Variants in GDAP1 observed in about 807,000 individuals in gnomAD.
GDAP1 encodes the protein ganglioside-induced differentiation-associated protein 1.
GDAP1 carries 34 observed loss-of-function variants against 40.1 expected under a neutral mutation model. That is an observed-to-expected ratio of 0.85 (90% confidence interval 0.64 to 1.13). GDAP1 has a LOEUF of 1.13. Ranked by LOEUF, GDAP1 falls within the 50% of genes most tolerant of loss-of-function variation. GDAP1 has a pLI of 0.00. For synonymous variants in GDAP1, 170 were observed against 157.4 expected, an observed-to-expected ratio of 1.08 and a Z score of -0.60; for missense variants, 374 against 433.7, an observed-to-expected ratio of 0.86 and a Z score of 1.22.
At chr8:74,468,442 A>G (rs1203113481) in intron 2 of GDAP1, among the ~76,000 whole-genome samples, 2 of 151,328 alleles carry the variant, frequency 1.3e-5, no homozygotes, top group Non-Finnish European at 2.9e-5. Context: ...ATTTCTTGCT[A>G]CATTTATTAT....
intron 2 of GDAP1, among the ~76,000 whole-genome samples, chr8:74,378,471 G>T (rs960460256): frequency 6.6e-6 from 1 of 152,216 alleles, no homozygotes; most frequent in Admixed American, 6.5e-5. Flanking sequence ...CCTCCCTGGG[G>T]TGTGGAACCC....
At chr8:74,477,450 T>C (rs1253923293) in intron 2 of GDAP1, among the ~76,000 whole-genome samples, 5 of 151,474 alleles carry the variant, frequency 3.3e-5, no homozygotes, top group Non-Finnish European at 7.4e-5. Context: ...TTGAAGTTGC[T>C]GTCCTTTGGA....
intron 2 of GDAP1, among the ~76,000 whole-genome samples, chr8:74,471,611 G>T (rs537601719): frequency 3.6e-4 from 54 of 152,024 alleles, no homozygotes; most frequent in Non-Finnish European, 6.9e-4. Context: ...TACATATACT[G>T]GTGAGACCAT....
chr8:74,372,087 AG>A (rs1484441510), intron 2 of GDAP1, among the ~76,000 whole-genome samples: 3 of 152,174 alleles, frequency 2.0e-5, no homozygotes, highest in Non-Finnish European at 4.4e-5. Context: ...GTCCCTACAA[AG>A]GACATGAACT....
intron 2 of GDAP1, among the ~76,000 whole-genome samples, chr8:74,433,746 T>C (rs182370727): frequency 1.8e-4 from 28 of 152,316 alleles, no homozygotes; most frequent in African/African-American, 5.8e-4. Flanking sequence ...CTGGAAGGGA[T>C]GTGCCACATC....
chr8:74,360,952 T>G (rs562713623), intron 3 of GDAP1, among the ~76,000 whole-genome samples: 11 of 152,222 alleles, frequency 7.2e-5, no homozygotes, highest in Non-Finnish European at 1.5e-4. Context: ...CAAACTCAGA[T>G]CTTCTAAATC....
At chr8:74,363,602 T>C (rs775557692) in intron 5 of GDAP1, among the ~76,000 whole-genome samples, 1 of 152,232 alleles carries the variant, frequency 6.6e-6, no homozygotes, top group Non-Finnish European at 1.5e-5. Context: ...TGAGTGATGT[T>C]TCAGACTCAG....
chr8:74,405,570 C>T (rs1373534996), intron 2 of GDAP1, among the ~76,000 whole-genome samples: 1 of 150,050 alleles, frequency 6.7e-6, no homozygotes, highest in Non-Finnish European at 1.5e-5. Context: ...TAAGGACCCT[C>T]TTTCATGCTT....
chr8:74,380,814 C>T (rs1391574007), intron 2 of GDAP1, among the ~76,000 whole-genome samples: 1 of 152,142 alleles, frequency 6.6e-6, no homozygotes, highest in Non-Finnish European at 1.5e-5. Flanking sequence ...ATAAAATACA[C>T]ACCATGATTT....
At chr8:74,476,150 A>T (rs528479536) in intron 2 of GDAP1, among the ~76,000 whole-genome samples, 1 of 152,188 alleles carries the variant, frequency 6.6e-6, no homozygotes, top group East Asian at 1.9e-4. Context: ...ATTTTTCTCC[A>T]TCCCTTTATT....
chr8:74,387,906 T>C (rs1050813445), intron 2 of GDAP1, among the ~76,000 whole-genome samples: 11 of 151,800 alleles, frequency 7.2e-5, no homozygotes, highest in African/African-American at 2.7e-4. Context: ...TTGTGTAGTC[T>C]TGGGAGGGTG....
At chr8:74,477,787 G>A (rs981725465) in intron 2 of GDAP1, among the ~76,000 whole-genome samples, 2 of 152,170 alleles carry the variant, frequency 1.3e-5, no homozygotes, top group African/African-American at 2.4e-5. Flanking sequence ...ACAGTGGCAA[G>A]GGCAGTGCAG....
chr8:74,487,761 A>G (rs1806794237), intron 2 of GDAP1, among the ~76,000 whole-genome samples: 1 of 152,170 alleles, frequency 6.6e-6, no homozygotes, highest in African/African-American at 2.4e-5. Context: ...TCTTTAACTT[A>G]ATCTTAGGAT....
intron 2 of GDAP1, among the ~76,000 whole-genome samples, chr8:74,394,796 G>A (rs1810168421): frequency 6.6e-6 from 1 of 152,148 alleles, no homozygotes; most frequent in African/African-American, 2.4e-5. Flanking sequence ...GGAGTCAGGA[G>A]CCAAGAAACA....
chr8:74,469,040 T>C (rs536452198), intron 2 of GDAP1, among the ~76,000 whole-genome samples: 1 of 152,314 alleles, frequency 6.6e-6, no homozygotes, highest in East Asian at 1.9e-4. Context: ...TCTCCTCAGA[T>C]ATATGCATAT....
At chr8:74,381,548 G>C (rs1441984101) in intron 2 of GDAP1, among the ~76,000 whole-genome samples, 2 of 152,090 alleles carry the variant, frequency 1.3e-5, no homozygotes, top group African/African-American at 2.4e-5. Context: ...TTGGGGCCAG[G>C]AGTTCGAGAC....
At chr8:74,359,205 G>C (rs1457218325) in intron 2 of GDAP1, among the ~76,000 whole-genome samples, 1 of 152,194 alleles carries the variant, frequency 6.6e-6, no homozygotes, top group Non-Finnish European at 1.5e-5. Flanking sequence ...GTGGGATCTT[G>C]GGAGAAATTT....
intron 2 of GDAP1, among the ~76,000 whole-genome samples, chr8:74,372,038 G>A (rs984405157): frequency 4.6e-5 from 7 of 151,316 alleles, no homozygotes; most frequent in Admixed American, 3.3e-4. Flanking sequence ...TTGTCCTTGC[G>A]ATAGTTTGCT....
intron 2 of GDAP1, among the ~76,000 whole-genome samples, chr8:74,405,789 C>T (rs1246144333): frequency 6.7e-6 from 1 of 149,780 alleles, no homozygotes; most frequent in Admixed American, 6.6e-5. Flanking sequence ...TATTGAGGAA[C>T]TAAAACATGA....
Sources: allele counts gnomAD v4.1 joint callset (sites outside exome capture counted in the v4.1 genomes callset), GRCh38; gene constraint gnomAD v4.1.1; transcripts MANE v1.5; gene names NCBI Gene and HGNC (gene_info 2026-07-23, HGNC 2026-07-21).